ASB3: variants seen among roughly 807,000 people sequenced by gnomAD.
ASB3 encodes the protein ankyrin repeat and SOCS box protein 3.
A neutral mutation model predicts 54.5 loss-of-function variants in ASB3; 41 were observed. The ratio of observed to expected loss-of-function variants is 0.75; its 90% CI spans 0.59 to 0.98. The LOEUF (loss-of-function observed/expected upper bound fraction) is 0.98. Among genes scored for constraint, ASB3 ranks in the 50% least tolerant of loss-of-function variants. The probability of loss-of-function intolerance (pLI) is 0.00; values close to 1 mark genes in which losing one functional copy is unlikely to be tolerated. For missense variants in ASB3, 733 were observed against 620.0 expected (o/e 1.18, Z -1.94); for synonymous variants, 266 against 221.2 (o/e 1.20, Z -1.80).
At chr2:53,766,950 A>T (rs1017601483) in intron 1 of ASB3, among the ~76,000 whole-genome samples, 2 of 152,216 alleles carry the variant, frequency 1.3e-5, no homozygotes, top group African/African-American at 4.8e-5. Context: ...TCACACACAG[A>T]GACACAGCCA....
chr2:53,674,642 G>C lies in ASB3; in HGVS notation c.1370-3952C>G, dbSNP rs138594443. Among the ~76,000 whole-genome samples, 440 of 152,156 alleles carry C rather than the reference G, an allele frequency of 2.9e-3. 1 individual carries two copies. Among genetic ancestry groups the C allele is most frequent in the African/African-American group, 0.01 (426 of 41,520 alleles). On this transcript the variant is annotated intron_variant, in intron 9 of 9. Coordinates refer to ENST00000263634, the MANE Select transcript of ASB3 (RefSeq NM_016115.5). ...CAATGTTCAAACAACCTATCTGCCT[G>C]AACTACATTTCTCTGGTTCCTTTGA... is the stretch of plus-strand genomic sequence containing the variant.
chr2:53,714,763 T>G (rs1670293833), intron 6 of ASB3, among the ~76,000 whole-genome samples, 182 bp from the exon 7 acceptor site: 2 of 152,214 alleles, frequency 1.3e-5, no homozygotes, highest in Non-Finnish European at 1.5e-5. Flanking sequence ...TACTCCAGAA[T>G]GTTACACTTA....
At chr2:53,705,298 C>T (rs542774430) in intron 7 of ASB3, among the ~76,000 whole-genome samples, 4 of 152,146 alleles carry the variant, frequency 2.6e-5, no homozygotes, top group African/African-American at 9.7e-5. Flanking sequence ...GAAAATCGCT[C>T]ATATGCCCTT....
intron 1 of ASB3, among the ~76,000 whole-genome samples, chr2:53,768,528 T>G (rs1673661643): frequency 6.6e-6 from 1 of 152,254 alleles, no homozygotes; most frequent in African/African-American, 2.4e-5. Flanking sequence ...TTCAAAAGTT[T>G]TATTTTCTGA....
intron 9 of ASB3, among the ~76,000 whole-genome samples, chr2:53,678,100 A>T (rs1015652397): frequency 2.6e-5 from 4 of 151,838 alleles, no homozygotes; most frequent in African/African-American, 9.7e-5. Flanking sequence ...ACAGTCAAAC[A>T]AACATTAATA....
At chr2:53,738,156 A>G (rs766543437) in intron 3 of ASB3, among the ~76,000 whole-genome samples, 2 of 152,158 alleles carry the variant, frequency 1.3e-5, no homozygotes, top group African/African-American at 2.4e-5. Flanking sequence ...TAATCACCTA[A>G]TCAATGGAGG....
chr2:53,774,018 G>A, intron 1 of ASB3: 1 of 1,105,760 alleles, frequency 9.0e-7, no homozygotes, highest in Non-Finnish European at 1.3e-6. Flanking sequence ...CTGGGCAACA[G>A]ACAAGACTTC....
chr2:53,745,305 C>T (rs1210030668), intron 3 of ASB3, among the ~76,000 whole-genome samples: 2 of 152,136 alleles, frequency 1.3e-5, no homozygotes, highest in African/African-American at 4.8e-5. Context: ...AAAAAATAAA[C>T]TCTAACCTGT....
intron 1 of ASB3, among the ~76,000 whole-genome samples, chr2:53,785,516 CAA>C (rs932156918): frequency 6.6e-6 from 1 of 152,050 alleles, no homozygotes; most frequent in African/African-American, 2.4e-5. Context: ...ACTGTGTGAC[CAA>C]AGACAGAAAC....
chr2:53,781,994 T>G (rs1194908736), intron 1 of ASB3, among the ~76,000 whole-genome samples: 1 of 152,088 alleles, frequency 6.6e-6, no homozygotes, highest in East Asian at 1.9e-4. Context: ...CCCAACACTC[T>G]GGGAAACCAA....
At chr2:53,750,407 G>T (rs929520941) in intron 3 of ASB3, among the ~76,000 whole-genome samples, 1 of 152,044 alleles carries the variant, frequency 6.6e-6, no homozygotes, top group African/African-American at 2.4e-5. Context: ...TTCCATAAAA[G>T]CTTCTTAATT....
At chr2:53,687,182 T>C (rs1396797222) in intron 9 of ASB3, among the ~76,000 whole-genome samples, 2 of 152,064 alleles carry the variant, frequency 1.3e-5, no homozygotes, top group African/African-American at 2.4e-5. Context: ...CAAGAGGCTA[T>C]GTGAAGTTAA....
chr2:53,687,904 C>A (rs1668714679), intron 9 of ASB3, among the ~76,000 whole-genome samples: 1 of 152,146 alleles, frequency 6.6e-6, no homozygotes, highest in Admixed American at 6.5e-5. Flanking sequence ...CAGCCTTGAT[C>A]TCCTGGGCTC....
intron 9 of ASB3, among the ~76,000 whole-genome samples, chr2:53,682,911 T>A (rs1668452010): frequency 6.6e-6 from 1 of 152,242 alleles, no homozygotes; most frequent in African/African-American, 2.4e-5. Context: ...TAAAATCATA[T>A]CATCTGCAAA....
At position 53,705,066 on chromosome 2, in the gene ASB3, G is replaced by A. The variant is rs531202590; in HGVS notation, c.981-4538C>T. Among the ~76,000 whole-genome samples, 90 of 152,146 alleles carry A rather than the reference G, an allele frequency of 5.9e-4. 2 individuals carry two copies. The South Asian group carries it at 6.4e-3, about 11-fold the overall frequency. ...CAAAATTCCCACAATCAAATTCTAC[G>A]TCTCTTTGACCTTAAAGTTTGCTAT... is the stretch of plus-strand genomic sequence containing the variant. On this transcript the variant is annotated intron_variant, in intron 7 of 9. Coordinates refer to ENST00000263634, the MANE Select transcript of ASB3 (RefSeq NM_016115.5).
rs184641040 is a variant in ASB3 at position 53,694,094 on chromosome 2, A to G, written c.1239-80T>C. On this transcript the variant is annotated intron_variant, in intron 8 of 9. Transcript: ENST00000263634. ...TACTTGAAACAAACACCACATACCT[A>G]TTCTTACAAAATCTCAATGAGGAGG... 11 of 1,499,816 alleles carry G rather than the reference A, an allele frequency of 7.3e-6. No individual in the cohort carries two copies. The East Asian group carries it at 2.3e-4, about 32-fold the overall frequency. The allele number at this position is 1,499,816 out of a possible 1,614,324, so 92.9% of individuals were successfully genotyped here.
intron 2 of ASB3, among the ~76,000 whole-genome samples, chr2:53,762,951 C>T (rs766521679): frequency 1.4e-4 from 21 of 152,204 alleles, no homozygotes; most frequent in South Asian, 1.2e-3. Context: ...TGAAGCAAAA[C>T]TCTTCTAATC....
At chr2:53,775,506 G>A (rs112429865) in intron 1 of ASB3, among the ~76,000 whole-genome samples, 3 of 152,186 alleles carry the variant, frequency 2.0e-5, no homozygotes, top group South Asian at 2.1e-4. Flanking sequence ...ACGGAGTATC[G>A]CTCTGTTGCC....
At chr2:53,723,507 G>T (rs1343120094) in intron 5 of ASB3, among the ~76,000 whole-genome samples, 1 of 151,988 alleles carries the variant, frequency 6.6e-6, no homozygotes, top group Non-Finnish European at 1.5e-5. Flanking sequence ...CTGAGTCCCT[G>T]AAGTGTCATT....
Sources: gnomAD v4.1 joint callset for allele counts (sites outside exome capture counted in the v4.1 genomes callset) on GRCh38, gnomAD v4.1.1 for gene constraint, MANE v1.5 for transcripts, NCBI Gene and HGNC (gene_info 2026-07-23, HGNC 2026-07-21) for gene names.